DDC: variants seen among roughly 807,000 people sequenced by gnomAD.
DDC encodes the protein dopa decarboxylase, also known as aromatic-L-amino-acid decarboxylase.
Under a neutral mutation model 60.0 loss-of-function variants are expected in DDC, and 43 were observed. The observed-to-expected ratio is 0.72, with a 90% CI of 0.56 to 0.92. DDC has a LOEUF of 0.92. Among genes scored for constraint, DDC ranks in the 40% least tolerant of loss-of-function variants. The pLI, the probability that DDC is intolerant of heterozygous loss-of-function variation, is 0.00. For synonymous variants in DDC, 232 were observed against 234.6 expected, an observed-to-expected ratio of 0.99 and a Z score of 0.10; for missense variants, 573 against 620.2, an observed-to-expected ratio of 0.92 and a Z score of 0.81.
chr7:50,492,322 TC>T (rs2043013957), intron 9 of DDC, among the ~76,000 whole-genome samples: 1 of 152,236 alleles, frequency 6.6e-6, no homozygotes, highest in South Asian at 2.1e-4. Context: ...TCAGATTTCA[TC>T]TATCAACATT....
At chr7:50,545,488 T>C (rs1165991297) in intron 1 of DDC, among the ~76,000 whole-genome samples, 1 of 152,252 alleles carries the variant, frequency 6.6e-6, no homozygotes, top group Non-Finnish European at 1.5e-5. Flanking sequence ...GTTTATTTTT[T>C]TGAAACGGAG....
intron 14 of DDC, among the ~76,000 whole-genome samples, chr7:50,459,895 C>T (rs1253452364): frequency 2.1e-5 from 3 of 141,680 alleles, no homozygotes; most frequent in Non-Finnish European, 3.0e-5. Context: ...GGGTCAGCCC[C>T]CCGCCCGGCC....
chr7:50,544,884 T>TTTTTAA (rs1327364373), intron 1 of DDC, among the ~76,000 whole-genome samples: 1 of 152,214 alleles, frequency 6.6e-6, no homozygotes, highest in Admixed American at 6.5e-5. Context: ...TTTTCATGTG[T>TTTTTAA]TTTTAAGAGA....
intron 7 of DDC, among the ~76,000 whole-genome samples, chr7:50,500,952 A>T (rs751435808): frequency 3.9e-5 from 6 of 152,204 alleles, no homozygotes; most frequent in Non-Finnish European, 8.8e-5. Flanking sequence ...AGCTGTGGGC[A>T]TGCCTCTGCA....
chr7:50,547,378 A>AT (rs113097199), intron 1 of DDC, among the ~76,000 whole-genome samples: 1,845 of 148,614 alleles, frequency 0.012, 37 homozygotes, highest in African/African-American at 0.041. Context: ...CACCTGGCTA[A>AT]TTTTTTTTTT....
chr7:50,461,085 TAAA>T (rs1405578506), intron 14 of DDC, among the ~76,000 whole-genome samples: 1 of 151,436 alleles, frequency 6.6e-6, no homozygotes, highest in Non-Finnish European at 1.5e-5. Flanking sequence ...ATTAAAAAAA[TAAA>T]GAATAAGAAT....
At chr7:50,470,259 G>A in intron 11 of DDC, 88 bp from the exon 12 acceptor site, 1 of 990,198 alleles carries the variant, frequency 1.0e-6, no homozygotes, top group Non-Finnish European at 1.6e-6. Context: ...TATTTCTCTT[G>A]GAGGCAGCCG....
intron 6 of DDC, among the ~76,000 whole-genome samples, chr7:50,509,703 T>C (rs182085607): frequency 2.0e-5 from 3 of 152,348 alleles, no homozygotes; most frequent in Non-Finnish European, 2.9e-5. Context: ...CCTGTATTAC[T>C]TGGCACTTCC....
At chr7:50,505,804 TCACTGAG>T (rs1426493503) in intron 6 of DDC, among the ~76,000 whole-genome samples, 1 of 152,238 alleles carries the variant, frequency 6.6e-6, no homozygotes, top group African/African-American at 2.4e-5. Flanking sequence ...GCTCTCTGTG[TCACTGAG>T]CTATGCCCAA....
At chr7:50,535,376 A>G (rs2044368959) in intron 4 of DDC, among the ~76,000 whole-genome samples, 1 of 152,124 alleles carries the variant, frequency 6.6e-6, no homozygotes, top group Non-Finnish European at 1.5e-5. Context: ...CAGACTCCTG[A>G]CCTCAGGTGA....
Position 50,495,363 on chromosome 7 carries a change from A to C in DDC, c.931T>G (p.Cys311Gly), listed in dbSNP as rs1339508204. 1 of 1,612,990 alleles carries C rather than the reference A, an allele frequency of 6.2e-7. No homozygotes were observed. Among genetic ancestry groups the C allele is most frequent in the Non-Finnish European group, 8.5e-7 (1 of 1,179,272 alleles). Residue 311 changes from cysteine (C) to glycine (G), a missense_variant, in exon 9 of 15, where the codon TGT becomes GGT. Physicochemically the swap from Cys to Gly is radical, Grantham distance 159. Transcript: ENST00000444124. ...PHKWLLVNFD[C>G]SAMWVKKRTD... Reference sequence around the variant, plus strand: ...AGGGAAACTTACCACATGGCAGAACAGTCAAAATTCACCAATAGCCATTTG... The same window carrying C: ...AGGGAAACTTACCACATGGCAGAACCGTCAAAATTCACCAATAGCCATTTG...
chr7:50,463,193 A>G lies in DDC; in HGVS notation c.*18+20T>C. The G allele has an allele frequency of 6.4e-7, 1 of 1,569,098 alleles. No individual in the cohort carries two copies. ...CACGGGACAAGGAGACAGGCAGAAA[A>G]TGAGCCCAGGGCAGCCTACCTGCAG... On this transcript the variant is annotated intron_variant, in intron 14 of 14. Transcript: ENST00000444124.
chr7:50,462,768 G>GTTTTTTTTTTTTTTTTTTTTTTTTTT (rs11302809), intron 14 of DDC, among the ~76,000 whole-genome samples: 3 of 98,364 alleles, frequency 3.0e-5, no homozygotes, highest in African/African-American at 1.2e-4. Flanking sequence ...TCTTCTTCTT[G>GTTTTTTTTTTTTTTTTTTTTTTTTTT]TTTTTTTTTT....
chr7:50,522,073 T>G (rs1047823720), intron 6 of DDC, among the ~76,000 whole-genome samples: 1 of 152,052 alleles, frequency 6.6e-6, no homozygotes, highest in African/African-American at 2.4e-5. Context: ...AAGTAAACAA[T>G]TATGGCAAGC....
In DDC at chr7:50,464,091, C is replaced by A. The variant is rs113106560; in HGVS notation, c.1243-660G>T. On this transcript the variant is annotated intron_variant, in intron 13 of 14. Transcript: ENST00000444124. ...ACTTCACCTCCATCTCCCTTTGCTC[C>A]TCTGTCCTTCTTCTGTTTGCAGGCA... 7.0e-4 allele frequency among the ~76,000 whole-genome samples: 106 copies of A among 152,084 alleles called. 1 individual carries two copies. Among genetic ancestry groups the A allele is most frequent in the African/African-American group, 2.5e-3 (104 of 41,462 alleles).
chr7:50,459,122 G>T (rs962027225), intron 14 of DDC, among the ~76,000 whole-genome samples: 2 of 152,238 alleles, frequency 1.3e-5, no homozygotes, highest in Non-Finnish European at 1.5e-5. Context: ...ACGCCTGACT[G>T]GTTTTCGTAT....
chr7:50,530,547 C>A (rs755391584), intron 4 of DDC, among the ~76,000 whole-genome samples: 6 of 152,108 alleles, frequency 3.9e-5, no homozygotes, highest in Non-Finnish European at 7.3e-5. Context: ...TAAAAATAAT[C>A]CCATTTTTGT....
intron 13 of DDC, among the ~76,000 whole-genome samples, chr7:50,466,419 AG>A (rs2042397429): frequency 1.4e-5 from 2 of 140,312 alleles, no homozygotes; most frequent in Non-Finnish European, 3.1e-5. Flanking sequence ...CGGGAGGCAG[AG>A]GTTGCAGTGA....
chr7:50,516,508 C>T (rs139560671), intron 6 of DDC, among the ~76,000 whole-genome samples: 2,023 of 151,958 alleles, frequency 0.013, 46 homozygotes, highest in African/African-American at 0.045. Context: ...TAAGGACACA[C>T]CTCAAGGAAC....
Sources: allele counts gnomAD v4.1 joint callset (sites outside exome capture counted in the v4.1 genomes callset), GRCh38; gene constraint gnomAD v4.1.1; transcripts MANE v1.5; gene names NCBI Gene and HGNC (gene_info 2026-07-23, HGNC 2026-07-21).